The following NXPH1 variants were observed in gnomAD, a reference collection of about 807,000 sequenced individuals.
NXPH1 encodes the protein neurexophilin 1.
NXPH1 carries 5 observed loss-of-function variants against 23.7 expected under a neutral mutation model. That is an observed-to-expected ratio of 0.21 (90% confidence interval 0.11 to 0.44). The LOEUF (loss-of-function observed/expected upper bound fraction) is 0.44, where lower values mean the gene tolerates loss of function less well. NXPH1 is among the 20% of genes least tolerant of loss of function. The pLI is 0.99. For synonymous variants in NXPH1, 144 were observed against 122.2 expected, an observed-to-expected ratio of 1.18 and a Z score of -1.18; for missense variants, 324 against 321.6, an observed-to-expected ratio of 1.01 and a Z score of -0.06.
chr7:8,562,756 A>T (rs1818469219), intron 2 of NXPH1, among the ~76,000 whole-genome samples: 2 of 151,728 alleles, frequency 1.3e-5, no homozygotes, highest in Admixed American at 1.3e-4. Context: ...GGTATAAAAA[A>T]TATGTCTGGT....
intron 2 of NXPH1, among the ~76,000 whole-genome samples, chr7:8,650,185 T>C (rs1479492333): frequency 6.6e-6 from 1 of 152,212 alleles, no homozygotes; most frequent in Non-Finnish European, 1.5e-5. Context: ...GTTCTTAAGG[T>C]TTTATCAGCA....
intron 2 of NXPH1, among the ~76,000 whole-genome samples, chr7:8,740,566 T>C (rs932603077): frequency 1.3e-5 from 2 of 152,216 alleles, no homozygotes; most frequent in Non-Finnish European, 1.5e-5. Context: ...TCCTATGTAA[T>C]ACAGGCTCCT....
At chr7:8,516,919 A>T (rs1446359268) in intron 2 of NXPH1, among the ~76,000 whole-genome samples, 1 of 152,162 alleles carries the variant, frequency 6.6e-6, no homozygotes, top group African/African-American at 2.4e-5. Flanking sequence ...TGGTCTGGCC[A>T]TCTTAGGGGC....
intron 2 of NXPH1, among the ~76,000 whole-genome samples, chr7:8,729,186 T>A (rs1780107507): frequency 6.6e-6 from 1 of 151,244 alleles, no homozygotes; most frequent in South Asian, 2.1e-4. Context: ...GGTGGTGATA[T>A]CCCCTTTATC....
intron 2 of NXPH1, among the ~76,000 whole-genome samples, chr7:8,485,734 C>T (rs1414430526): frequency 6.6e-6 from 1 of 152,128 alleles, no homozygotes; most frequent in Admixed American, 6.5e-5. Context: ...TATTTTTCAA[C>T]TGTAGGCTAA....
chr7:8,562,875 T>C lies in NXPH1; in HGVS notation c.54+127108T>C, dbSNP rs374573210. 3.7e-4 allele frequency among the ~76,000 whole-genome samples: 56 copies of C among 151,736 alleles called. 1 individual carries two copies. The highest frequency in any genetic ancestry group is 1.4e-3 in the African/African-American group (56 of 41,476). ...GAGTGGTGAGAATATCAATGACATA[T>C]ACTTTTTCTGAATTTCCTAATTTAA... On this transcript the variant is annotated intron_variant, in intron 2 of 2. Coordinates refer to ENST00000405863, the MANE Select transcript of NXPH1 (RefSeq NM_152745.3).
intron 2 of NXPH1, among the ~76,000 whole-genome samples, chr7:8,489,791 C>T (rs1453933350): frequency 6.6e-6 from 1 of 152,084 alleles, no homozygotes; most frequent in Admixed American, 6.6e-5. Flanking sequence ...GACATTTAAC[C>T]TCCACCAACA....
chr7:8,600,815 A>G (rs1008321553), intron 2 of NXPH1, among the ~76,000 whole-genome samples: 3 of 152,144 alleles, frequency 2.0e-5, no homozygotes, highest in African/African-American at 7.2e-5. Flanking sequence ...TTAAAAACAG[A>G]AGTATATACA....
intron 2 of NXPH1, among the ~76,000 whole-genome samples, chr7:8,571,496 C>T (rs554073670): frequency 6.6e-6 from 1 of 151,868 alleles, no homozygotes; most frequent in African/African-American, 2.4e-5. Flanking sequence ...ATGGAAGATC[C>T]ATAAGAAATG....
chr7:8,593,330 C>T (rs760703547), intron 2 of NXPH1, among the ~76,000 whole-genome samples: 1 of 151,746 alleles, frequency 6.6e-6, no homozygotes, highest in Non-Finnish European at 1.5e-5. Context: ...TTTATATTGC[C>T]CACCTAATTT....
intron 2 of NXPH1, among the ~76,000 whole-genome samples, chr7:8,600,470 G>A (rs763748437): frequency 1.3e-5 from 2 of 152,234 alleles, no homozygotes; most frequent in South Asian, 2.1e-4. Flanking sequence ...TCTACTTGAC[G>A]TACCTCTGTG....
chr7:8,535,823 G>A (rs1818017822), intron 2 of NXPH1, among the ~76,000 whole-genome samples: 1 of 151,904 alleles, frequency 6.6e-6, no homozygotes, highest in Admixed American at 6.6e-5. Flanking sequence ...TTCAAAGGTG[G>A]TTGATGTGAA....
intron 2 of NXPH1, among the ~76,000 whole-genome samples, chr7:8,450,272 A>G (rs904115928): frequency 6.6e-6 from 1 of 152,224 alleles, no homozygotes; most frequent in East Asian, 1.9e-4. Flanking sequence ...TAATCTAATG[A>G]GTCCTGCCAT....
chr7:8,552,721 A>T (rs1437654716), intron 2 of NXPH1, among the ~76,000 whole-genome samples: 1 of 151,520 alleles, frequency 6.6e-6, no homozygotes, highest in Non-Finnish European at 1.5e-5. Flanking sequence ...TTTGGTTTTC[A>T]TGTTTGCATG....
chr7:8,608,684 A>G (rs1819554308), intron 2 of NXPH1, among the ~76,000 whole-genome samples: 1 of 152,136 alleles, frequency 6.6e-6, no homozygotes, highest in Non-Finnish European at 1.5e-5. Flanking sequence ...TTTGTGCGTC[A>G]TATGACACTA....
intron 2 of NXPH1, among the ~76,000 whole-genome samples, chr7:8,569,905 C>A (rs1035377357): frequency 5.9e-5 from 9 of 151,836 alleles, no homozygotes; most frequent in African/African-American, 2.2e-4. Context: ...CCTCTGTCAG[C>A]CATTAGAGTT....
intron 2 of NXPH1, among the ~76,000 whole-genome samples, chr7:8,610,848 A>C (rs941146408): frequency 1.3e-5 from 2 of 152,084 alleles, no homozygotes; most frequent in Non-Finnish European, 2.9e-5. Flanking sequence ...ACAGGAGGGC[A>C]GACTGCTATT....
chr7:8,561,562 T>C (rs1469727420), intron 2 of NXPH1, among the ~76,000 whole-genome samples: 1 of 151,568 alleles, frequency 6.6e-6, no homozygotes. Flanking sequence ...GCCAAGATTA[T>C]AAAATGGGTC....
chr7:8,671,838 T>A (rs1037994392), intron 2 of NXPH1, among the ~76,000 whole-genome samples: 2 of 152,246 alleles, frequency 1.3e-5, no homozygotes, highest in Non-Finnish European at 2.9e-5. Flanking sequence ...TTTGAATTTC[T>A]CTGATGGCTA....
Sources: gnomAD v4.1 joint callset for allele counts (sites outside exome capture counted in the v4.1 genomes callset) on GRCh38, gnomAD v4.1.1 for gene constraint, MANE v1.5 for transcripts, NCBI Gene and HGNC (gene_info 2026-07-23, HGNC 2026-07-21) for gene names.